The following SLC9A9 variants were observed in gnomAD, a reference collection of about 807,000 sequenced individuals.
The protein encoded by SLC9A9 is sodium/hydrogen exchanger 9.
A neutral mutation model predicts 77.8 loss-of-function variants in SLC9A9; 62 were observed. That is an observed-to-expected ratio of 0.80 (90% CI 0.65 to 0.98). SLC9A9 has a LOEUF of 0.98. SLC9A9 is among the 50% of genes least tolerant of loss of function. The pLI is 0.00. For synonymous variants in SLC9A9, 320 were observed against 283.5 expected, an observed-to-expected ratio of 1.13 and a Z score of -1.29; for missense variants, 775 against 774.9, an observed-to-expected ratio of 1.00 and a Z score of 0.00.
chr3:143,564,495 C>T (rs1025813), intron 8 of SLC9A9, among the ~76,000 whole-genome samples: 98,859 of 151,942 alleles, frequency 0.65, 32,846 homozygotes, highest in African/African-American at 0.79. Context: ...ATGGGTTATT[C>T]TTCCATGCCA....
intron 14 of SLC9A9, among the ~76,000 whole-genome samples, chr3:143,289,456 G>A (rs944939599): frequency 2.6e-5 from 4 of 152,096 alleles, no homozygotes; most frequent in Non-Finnish European, 5.9e-5. Flanking sequence ...CTTTATATTT[G>A]TCCTGTCCAA....
intron 4 of SLC9A9, among the ~76,000 whole-genome samples, chr3:143,705,066 G>A (rs1306703716): frequency 4.1e-5 from 5 of 121,554 alleles, no homozygotes; most frequent in African/African-American, 1.5e-4. Flanking sequence ...TAGATATATA[G>A]ATATATATAT....
chr3:143,611,506 C>T (rs534475997), intron 6 of SLC9A9, among the ~76,000 whole-genome samples: 2 of 152,194 alleles, frequency 1.3e-5, no homozygotes, highest in East Asian at 3.9e-4. Context: ...AGATAAGAGT[C>T]TAAATGATTT....
chr3:143,552,257 T>C lies in SLC9A9; in HGVS notation c.1089+105A>G, dbSNP rs559124930. 1.1e-5 allele frequency: 9 copies of C among 786,824 alleles called. No homozygotes were observed. The African/African-American group carries it at 1.6e-4, about 14-fold the overall frequency. The allele number at this position is 786,824 out of a possible 1,614,324, so 48.7% of individuals were successfully genotyped here. On this transcript the variant is annotated intron_variant, in intron 9 of 15. Transcript: ENST00000316549. ...CTCGTAATGAAGCCTTAAGCTTACA[T>C]TCTTCCTTTACTAATGAAACTCTTT...
chr3:143,805,821 C>T (rs1004633439), intron 2 of SLC9A9, among the ~76,000 whole-genome samples: 8 of 152,216 alleles, frequency 5.3e-5, no homozygotes, highest in East Asian at 1.9e-4. Flanking sequence ...TATCTCCCTT[C>T]GCTAACTCTC....
At chr3:143,485,801 G>T (rs2035645159) in intron 11 of SLC9A9, among the ~76,000 whole-genome samples, 1 of 151,898 alleles carries the variant, frequency 6.6e-6, no homozygotes, top group Non-Finnish European at 1.5e-5. Context: ...ACTAGACAAA[G>T]ACTTTTAAGC....
At chr3:143,617,867 CCTGAGACGCCA>C (rs2038132207) in intron 6 of SLC9A9, among the ~76,000 whole-genome samples, 1 of 152,198 alleles carries the variant, frequency 6.6e-6, no homozygotes. Flanking sequence ...TCAACCTGAT[CCTGAGACGCCA>C]GGCAGCCACT....
chr3:143,602,177 AAGAGTT>A (rs2037855607), intron 6 of SLC9A9, among the ~76,000 whole-genome samples: 1 of 152,232 alleles, frequency 6.6e-6, no homozygotes, highest in South Asian at 2.1e-4. Context: ...CAAATCAGCC[AAGAGTT>A]AGAGGCGAGC....
intron 1 of SLC9A9, among the ~76,000 whole-genome samples, chr3:143,837,313 C>T (rs2009591854): frequency 6.6e-6 from 1 of 152,074 alleles, no homozygotes; most frequent in African/African-American, 2.4e-5. Context: ...TATACATATG[C>T]CTAATTAGAC....
intron 4 of SLC9A9, among the ~76,000 whole-genome samples, chr3:143,740,179 T>C (rs1180178713): frequency 1.3e-5 from 2 of 152,194 alleles, no homozygotes; most frequent in African/African-American, 4.8e-5. Flanking sequence ...TTGCTTCATG[T>C]AGCATAAAAC....
intron 14 of SLC9A9, among the ~76,000 whole-genome samples, chr3:143,330,014 G>T (rs941290862): frequency 1.3e-5 from 2 of 152,180 alleles, no homozygotes; most frequent in African/African-American, 4.8e-5. Flanking sequence ...AGAAAATGCT[G>T]GCGGCGCTAT....
chr3:143,509,500 T>G (rs1226863911), intron 9 of SLC9A9, among the ~76,000 whole-genome samples: 2 of 152,162 alleles, frequency 1.3e-5, no homozygotes, highest in Non-Finnish European at 2.9e-5. Flanking sequence ...TGCACGCCCT[T>G]GAGAATATAG....
At chr3:143,573,659 C>T (rs567104951) in intron 8 of SLC9A9, among the ~76,000 whole-genome samples, 4 of 152,156 alleles carry the variant, frequency 2.6e-5, no homozygotes, top group East Asian at 3.9e-4. Context: ...CAACCACCGA[C>T]GTGTATGGAG....
chr3:143,815,548 A>T (rs75383101), intron 2 of SLC9A9, among the ~76,000 whole-genome samples: 8 of 31,426 alleles, frequency 2.5e-4, no homozygotes, highest in African/African-American at 4.0e-4. Context: ...TGCTATTTTA[A>T]AAAAAAAAAA....
In SLC9A9 at chr3:143,548,649, G is replaced by A. The variant is rs2036829301; in HGVS notation, c.1089+3713C>T. On this transcript the variant is annotated intron_variant, in intron 9 of 15. Transcript: ENST00000316549. ...CCTTATGTTGCGTAACAGCATCATA[G>A]TGCCTCTGTCATACTGCTTTTTGCC... Among the ~76,000 whole-genome samples the A allele has an allele frequency of 2.6e-5, 4 of 152,202 alleles. No individual in the cohort carries two copies. In the South Asian group the frequency reaches 8.3e-4, roughly 31 times the overall value.
At chr3:143,770,721 G>T (rs1276620762) in intron 4 of SLC9A9, among the ~76,000 whole-genome samples, 1 of 151,968 alleles carries the variant, frequency 6.6e-6, no homozygotes, top group Non-Finnish European at 1.5e-5. Flanking sequence ...TTATATGAAA[G>T]AAAATATCAC....
At chr3:143,484,737 G>A (rs1302887455) in intron 11 of SLC9A9, among the ~76,000 whole-genome samples, 1 of 152,184 alleles carries the variant, frequency 6.6e-6, no homozygotes, top group Non-Finnish European at 1.5e-5. Flanking sequence ...GTAAATCTGA[G>A]GTTGTGTCAT....
intron 14 of SLC9A9, among the ~76,000 whole-genome samples, chr3:143,328,703 T>G (rs2031677492): frequency 1.3e-5 from 2 of 152,200 alleles, no homozygotes; most frequent in Non-Finnish European, 1.5e-5. Context: ...TACACAGGCC[T>G]CTCCTGTTTC....
At chr3:143,699,161 T>G (rs1933724846) in intron 4 of SLC9A9, among the ~76,000 whole-genome samples, 1 of 152,232 alleles carries the variant, frequency 6.6e-6, no homozygotes, top group Admixed American at 6.5e-5. Flanking sequence ...TTCATTCATG[T>G]ATTCATTAAT....
Sources: allele counts gnomAD v4.1 joint callset (sites outside exome capture counted in the v4.1 genomes callset), GRCh38; gene constraint gnomAD v4.1.1; transcripts MANE v1.5; gene names NCBI Gene and HGNC (gene_info 2026-07-23, HGNC 2026-07-21).